NEURL1: variants seen among roughly 807,000 people sequenced by gnomAD.
The protein encoded by NEURL1 is neuralized E3 ubiquitin protein ligase 1.
Under a neutral mutation model 41.2 loss-of-function variants are expected in NEURL1, and 26 were observed. The observed-to-expected ratio is 0.63, with a 90% CI of 0.46 to 0.87. The LOEUF (loss-of-function observed/expected upper bound fraction) is 0.87, where lower values mean the gene tolerates loss of function less well. Among genes scored for constraint, NEURL1 ranks in the 40% least tolerant of loss-of-function variants. NEURL1 has a pLI of 0.00. For synonymous variants in NEURL1, 400 were observed against 402.3 expected (o/e 0.99, Z 0.07); for missense variants, 761 against 871.1 (o/e 0.87, Z 1.59).
intron 1 of NEURL1, among the ~76,000 whole-genome samples, chr10:103,553,981 A>T (rs1414053905): frequency 6.6e-6 from 1 of 152,126 alleles, no homozygotes; most frequent in Non-Finnish European, 1.5e-5. Flanking sequence ...CCTGCCTGTG[A>T]CCTGCTGGGT....
intron 1 of NEURL1, among the ~76,000 whole-genome samples, chr10:103,537,536 G>A (rs1365157114): frequency 6.6e-6 from 1 of 152,052 alleles, no homozygotes. Flanking sequence ...TGGGACCACA[G>A]GTGCACACCA....
chr10:103,553,394 A>G (rs1394714649), intron 1 of NEURL1, among the ~76,000 whole-genome samples: 1 of 152,128 alleles, frequency 6.6e-6, no homozygotes, highest in Non-Finnish European at 1.5e-5. Flanking sequence ...TATGTGTGCC[A>G]GGAAGTGTGT....
chr10:103,495,236 C>T (rs1379742052), intron 1 of NEURL1, among the ~76,000 whole-genome samples: 2 of 152,228 alleles, frequency 1.3e-5, no homozygotes, highest in Non-Finnish European at 2.9e-5. Context: ...GAAGACACTG[C>T]TGGGTCCTCC....
At chr10:103,528,817 G>A (rs2034514633) in intron 1 of NEURL1, among the ~76,000 whole-genome samples, 1 of 152,212 alleles carries the variant, frequency 6.6e-6, no homozygotes, top group Non-Finnish European at 1.5e-5. Flanking sequence ...GGAAAGAACT[G>A]GGAACTTCCC....
rs199648361 is a variant in NEURL1, at chr10:103,564,267, T to C, written c.86-6605T>C. 8.5e-5 allele frequency among the ~76,000 whole-genome samples: 13 copies of C among 152,254 alleles called. No individual in the cohort carries two copies. In the East Asian group the frequency reaches 2.3e-3, roughly 27 times the overall value. Reference sequence around the variant, plus strand: ...GGGGCTGTCGGGGGAGTTTCCACCATGTCAGCAGCAGCCTCGCCTGAGGAG... The same window carrying C: ...GGGGCTGTCGGGGGAGTTTCCACCACGTCAGCAGCAGCCTCGCCTGAGGAG... On this transcript the variant is annotated intron_variant, in intron 1 of 5. Transcript: ENST00000369780.
chr10:103,562,157 G>T (rs892025485), intron 1 of NEURL1, among the ~76,000 whole-genome samples: 3 of 152,184 alleles, frequency 2.0e-5, no homozygotes, highest in African/African-American at 7.2e-5. Flanking sequence ...GGCCTAGGCG[G>T]GCAGATCATG....
rs780849614 is a variant in NEURL1 at position 103,585,062 on chromosome 10, C to T, written c.1176C>T (p.Pro392=). 1.9e-6 allele frequency: 3 copies of T among 1,590,666 alleles called. No homozygotes were observed. The highest frequency in any genetic ancestry group is 2.7e-5 in the African/African-American group (2 of 74,700). Residue 392 remains proline (P), a synonymous_variant, in exon 4 of 6, where the codon CCC becomes CCT. Coordinates refer to ENST00000369780, the MANE Select transcript of NEURL1 (RefSeq NM_004210.5). ...GGGCCGTGTGCCGCGTGCCCGGGCC[C>T]CTGCACAGCGGCGACATCCTGGGCC... ...EFWAVCRVPG[P]LHSGDILGLV...
chr10:103,544,705 G>T (rs983217260), intron 1 of NEURL1, among the ~76,000 whole-genome samples: 1 of 152,204 alleles, frequency 6.6e-6, no homozygotes, highest in African/African-American at 2.4e-5. Context: ...AGGGAATTGG[G>T]CTTGGCTAAG....
intron 4 of NEURL1, among the ~76,000 whole-genome samples, chr10:103,586,347 G>A (rs968094554): frequency 6.6e-6 from 1 of 152,128 alleles, no homozygotes; most frequent in Non-Finnish European, 1.5e-5. Flanking sequence ...AGACTGAGCT[G>A]GTTTCGTTAG....
chr10:103,554,805 T>C (rs2035110352), intron 1 of NEURL1, among the ~76,000 whole-genome samples: 2 of 152,320 alleles, frequency 1.3e-5, no homozygotes, highest in Middle Eastern at 3.4e-3. Flanking sequence ...GTGAACCTCT[T>C]GAGGGCAGGG....
At chr10:103,565,094 A>T (rs989725970) in intron 1 of NEURL1, among the ~76,000 whole-genome samples, 8 of 152,136 alleles carry the variant, frequency 5.3e-5, no homozygotes, top group Non-Finnish European at 1.2e-4. Flanking sequence ...AGAGGACAGA[A>T]CCCAGGGGTG....
chr10:103,554,156 A>C (rs1010754999), intron 1 of NEURL1, among the ~76,000 whole-genome samples: 1 of 152,216 alleles, frequency 6.6e-6, no homozygotes, highest in Non-Finnish European at 1.5e-5. Flanking sequence ...ATGCCTGCCC[A>C]GGGCTGGAGG....
rs148885463 is a variant in NEURL1 at position 103,555,687 on chromosome 10, T to TCTCCTTGTCCTCTTAC, written c.86-15151_86-15136dup. Among the ~76,000 whole-genome samples, 818 of 151,866 alleles carry TCTCCTTGTCCTCTTAC rather than the reference T, an allele frequency of 5.4e-3. 6 individuals carry two copies. The highest frequency in any genetic ancestry group is 7.3e-3 in the Non-Finnish European group (495 of 67,844). On this transcript the variant is annotated intron_variant, in intron 1 of 5. Transcript: ENST00000369780. ...CAGGCAGCTGAGGCTCCCCACAAAGTCTCCTTGTCCTCTTACCTCCTTGTC... is the reference window on the plus strand; with the variant it reads ...CAGGCAGCTGAGGCTCCCCACAAAGTCTCCTTGTCCTCTTACCTCCTTGTCCTCTTACCTCCTTGTC...
intron 1 of NEURL1, among the ~76,000 whole-genome samples, chr10:103,553,319 A>G (rs7914871): frequency 0.06 from 9,149 of 152,276 alleles, 339 homozygotes; most frequent in Middle Eastern, 0.092. Flanking sequence ...TTATCCGACA[A>G]AAGGAGTTTG....
intron 4 of NEURL1, among the ~76,000 whole-genome samples, chr10:103,585,640 C>T (rs2035905476): frequency 1.3e-5 from 2 of 152,060 alleles, no homozygotes; most frequent in Admixed American, 6.5e-5. Flanking sequence ...CAAGACCATC[C>T]TGGCTAACAC....
At position 103,571,003 on chromosome 10, in the gene NEURL1, C is replaced by T; in HGVS notation, c.217C>T (p.Gln73Ter). ...LLFHPHTKGS[Q>*]ILMDLSHKAV... Reference sequence around the variant, plus strand: ...CTTCCACCCGCACACCAAGGGCTCCCAGATCCTCATGGACCTCAGCCACAA... The same window carrying T: ...CTTCCACCCGCACACCAAGGGCTCCTAGATCCTCATGGACCTCAGCCACAA... Residue 73 changes from glutamine to a stop codon, truncating the protein, a stop_gained, in exon 2 of 6, where the codon CAG (glutamine) becomes TAG (stop). Coordinates refer to ENST00000369780, the MANE Select transcript of NEURL1 (RefSeq NM_004210.5). LOFTEE classifies it high-confidence loss of function. The T allele has an allele frequency of 6.2e-7, 1 of 1,614,062 alleles. No individual in the cohort carries two copies. The highest frequency in any genetic ancestry group is 8.5e-7 in the Non-Finnish European group (1 of 1,180,014).
At chr10:103,536,962 C>G (rs1443307183) in intron 1 of NEURL1, among the ~76,000 whole-genome samples, 1 of 152,186 alleles carries the variant, frequency 6.6e-6, no homozygotes, top group South Asian at 2.1e-4. Flanking sequence ...ATTCTACTTT[C>G]TGTCTCTGTG....
At chr10:103,502,907 G>A (rs76312244) in intron 1 of NEURL1, among the ~76,000 whole-genome samples, 5,487 of 152,310 alleles carry the variant, frequency 0.036, 87 homozygotes, top group Non-Finnish European at 0.045. Context: ...ACGCTGAGCC[G>A]GTTGCTTTGG....
At chr10:103,571,398 A>C (rs2035541104) in intron 2 of NEURL1, 103 bp from the exon 3 acceptor site, 1 of 1,232,826 alleles carries the variant, frequency 8.1e-7, no homozygotes, top group African/African-American at 1.5e-5. Flanking sequence ...AATGGTGGGC[A>C]GGCTGCTGTG....
Sources: gnomAD v4.1 joint callset for allele counts (sites outside exome capture counted in the v4.1 genomes callset) on GRCh38, gnomAD v4.1.1 for gene constraint, MANE v1.5 for transcripts, NCBI Gene and HGNC (gene_info 2026-07-23, HGNC 2026-07-21) for gene names.